STK32A: variants seen among roughly 807,000 people sequenced by gnomAD.
STK32A encodes serine/threonine-protein kinase 32A.
STK32A carries 41 observed loss-of-function variants against 53.2 expected under a neutral mutation model. That is an observed-to-expected ratio of 0.77 (90% CI 0.60 to 1.00). The LOEUF (loss-of-function observed/expected upper bound fraction) is 1.00, where lower values mean the gene tolerates loss of function less well. STK32A is among the 50% of genes least tolerant of loss of function. The pLI is 0.00. For synonymous variants in STK32A, 166 were observed against 162.8 expected (o/e 1.02, Z -0.15); for missense variants, 458 against 485.8 (o/e 0.94, Z 0.54).
chr5:147,239,498 T>G lies in STK32A; in HGVS notation c.-96-41T>G. On this transcript the variant is annotated intron_variant, in intron 1 of 12. Transcript: ENST00000397936. ...CAGTCTATACTCAGGGTGCCTAGAGTATAGCATATTATTAGGGTACTATTT... is the reference window on the plus strand; with the variant it reads ...CAGTCTATACTCAGGGTGCCTAGAGGATAGCATATTATTAGGGTACTATTT... The G allele has an allele frequency of 4.6e-6, 3 of 653,156 alleles. No individual in the cohort carries two copies. The South Asian group carries it at 5.9e-5, about 13-fold the overall frequency. The allele number at this position is 653,156 out of a possible 1,614,324, so 40.5% of individuals were successfully genotyped here.
chr5:147,243,039 T>C (rs890393951), intron 2 of STK32A, among the ~76,000 whole-genome samples: 32 of 152,182 alleles, frequency 2.1e-4, no homozygotes, highest in African/African-American at 7.0e-4. Flanking sequence ...TCAAGGGCAC[T>C]AAAATGAGCC....
downstream of STK32A, among the ~76,000 whole-genome samples, chr5:147,389,694 C>A (rs1757751334): frequency 2.6e-5 from 4 of 152,174 alleles, no homozygotes; most frequent in South Asian, 8.3e-4. Flanking sequence ...CATGGTGAAA[C>A]CCTGTCTCTA....
At chr5:147,271,440 T>G (rs1005398910) in intron 2 of STK32A, among the ~76,000 whole-genome samples, 1 of 152,114 alleles carries the variant, frequency 6.6e-6, no homozygotes, top group Non-Finnish European at 1.5e-5. Flanking sequence ...TTGAACAATA[T>G]GAAATCTGGG....
At chr5:147,254,866 G>A (rs62380973) in intron 2 of STK32A, among the ~76,000 whole-genome samples, 1 of 151,914 alleles carries the variant, frequency 6.6e-6, no homozygotes, top group South Asian at 2.1e-4. Context: ...CAGGCTGGGC[G>A]CGGTGGCTCA....
intron 6 of STK32A, chr5:147,348,614 A>G: frequency 1.4e-6 from 1 of 726,468 alleles, no homozygotes; most frequent in East Asian, 2.6e-5. Context: ...TCAGCTTGGA[A>G]ATCTATGCAG....
intron 5 of STK32A, among the ~76,000 whole-genome samples, chr5:147,332,246 C>G (rs1454052991): frequency 6.6e-6 from 1 of 151,960 alleles, no homozygotes; most frequent in Non-Finnish European, 1.5e-5. Flanking sequence ...TAAGTCAAGT[C>G]CATTGGCTTT....
intron 7 of STK32A, among the ~76,000 whole-genome samples, chr5:147,353,615 C>T (rs1756087171): frequency 6.6e-6 from 1 of 152,016 alleles, no homozygotes; most frequent in African/African-American, 2.4e-5. Flanking sequence ...CAAAAATTAG[C>T]TGGGCATGGT....
At chr5:147,351,289 T>A in intron 7 of STK32A, 135 bp downstream of exon 7, 1 of 713,196 alleles carries the variant, frequency 1.4e-6, no homozygotes, top group Non-Finnish European at 2.3e-6. Context: ...TCTGATTTCA[T>A]GGGTCTTCTC....
chr5:147,354,870 A>C (rs189898891), intron 7 of STK32A, among the ~76,000 whole-genome samples: 343 of 152,352 alleles, frequency 2.3e-3, no homozygotes, highest in African/African-American at 7.6e-3. Context: ...CAACTTAGTT[A>C]GGCTAACATA....
At chr5:147,283,592 T>A (rs1895563) in intron 4 of STK32A, among the ~76,000 whole-genome samples, 82,193 of 151,550 alleles carry the variant, frequency 0.54, 22,478 homozygotes, top group East Asian at 0.64. Flanking sequence ...ATAACCTCAC[T>A]AAGAAATGAA....
the STK32A span, among the ~76,000 whole-genome samples, chr5:147,398,364 T>C: frequency 7.5e-4 from 115 of 152,336 alleles, no homozygotes; most frequent in Non-Finnish European, 2.5e-4. Context: ...TGTCTGGGTT[T>C]CAATGCTAGC....
intron 5 of STK32A, among the ~76,000 whole-genome samples, chr5:147,337,269 C>T (rs1755181396): frequency 6.6e-6 from 1 of 152,148 alleles, no homozygotes; most frequent in Non-Finnish European, 1.5e-5. Context: ...AAGTATGCAT[C>T]CTAGAATTTC....
chr5:147,321,877 G>A (rs1397544101), intron 4 of STK32A, among the ~76,000 whole-genome samples: 6 of 152,096 alleles, frequency 3.9e-5, no homozygotes, highest in Non-Finnish European at 8.8e-5. Context: ...CTCTTCTCCT[G>A]ACTTTTGGTA....
chr5:147,352,780 G>A lies in STK32A; in HGVS notation c.562+1626G>A, dbSNP rs1756045074. Among the ~76,000 whole-genome samples, 6 of 152,182 alleles carry A rather than the reference G, an allele frequency of 3.9e-5. 1 individual carries two copies. Among genetic ancestry groups the A allele is most frequent in the Admixed American group, 3.9e-4 (6 of 15,286 alleles). ...CCATGGAAGTTTGATGAGTTTGGGG[G>A]CTAGTCTTTCTGGGGATCATAGCAG... On this transcript the variant is annotated intron_variant, in intron 7 of 12. Coordinates refer to ENST00000397936, the MANE Select transcript of STK32A (RefSeq NM_001112724.2).
At chr5:147,320,052 G>A (rs1043111152) in intron 4 of STK32A, among the ~76,000 whole-genome samples, 6 of 152,028 alleles carry the variant, frequency 3.9e-5, no homozygotes, top group East Asian at 3.9e-4. Flanking sequence ...AAATCATAAC[G>A]TTTAACCTTA....
In STK32A at chr5:147,299,472, C is replaced by T. The variant is rs142958262; in HGVS notation, c.260+20074C>T. On this transcript the variant is annotated intron_variant, in intron 4 of 12. Transcript: ENST00000397936. ...AATGCAGCTCAGTAGGTTTCAGCCT[C>T]ATTTTACCCAGCTCCTATTTAAGAT... Among the ~76,000 whole-genome samples the T allele has an allele frequency of 1.1e-4, 17 of 152,288 alleles. No homozygotes were observed. In the East Asian group the frequency reaches 3.3e-3, roughly 29 times the overall value.
At chr5:147,306,052 C>T (rs1753389399) in intron 4 of STK32A, among the ~76,000 whole-genome samples, 1 of 151,838 alleles carries the variant, frequency 6.6e-6, no homozygotes, top group Admixed American at 6.6e-5. Flanking sequence ...GAGCTTGTGC[C>T]AGTTTATACT....
chr5:147,321,470 A>G (rs926907119), intron 4 of STK32A, among the ~76,000 whole-genome samples: 3 of 152,232 alleles, frequency 2.0e-5, no homozygotes, highest in Non-Finnish European at 2.9e-5. Flanking sequence ...ACGTGCCTCC[A>G]TGATTAAATA....
intron 4 of STK32A, among the ~76,000 whole-genome samples, chr5:147,318,636 T>C (rs1393299018): frequency 6.6e-6 from 1 of 151,008 alleles, no homozygotes; most frequent in African/African-American, 2.4e-5. Flanking sequence ...AAAAGTTTGG[T>C]ATGGTGATAT....
Sources: gnomAD v4.1 joint callset for allele counts (sites outside exome capture counted in the v4.1 genomes callset) on GRCh38, gnomAD v4.1.1 for gene constraint, MANE v1.5 for transcripts, NCBI Gene and HGNC (gene_info 2026-07-23, HGNC 2026-07-21) for gene names.